UTRN: variants seen among roughly 807,000 people sequenced by gnomAD.
The protein encoded by UTRN is dystrophin-related protein 1.
UTRN carries 283 observed loss-of-function variants against 463.9 expected under a neutral mutation model. The ratio of observed to expected loss-of-function variants is 0.61; its 90% confidence interval spans 0.55 to 0.67. The LOEUF (loss-of-function observed/expected upper bound fraction) is 0.67, where lower values mean the gene tolerates loss of function less well. Ranked by LOEUF, UTRN falls within the 30% of genes least tolerant of loss-of-function variation. UTRN has a pLI of 0.00. For missense variants in UTRN, 3,922 were observed against 4,084.3 expected (o/e 0.96, Z 1.08); for synonymous variants, 1,442 against 1,431.5 (o/e 1.01, Z -0.17).
chr6:144,457,055 CTG>C (rs1327685111), intron 19 of UTRN, among the ~76,000 whole-genome samples: 6 of 152,116 alleles, frequency 3.9e-5, no homozygotes, highest in African/African-American at 1.4e-4. Context: ...TCTAAGAACT[CTG>C]TGTTTTATAG....
chr6:144,731,423 C>T (rs1788503610), intron 54 of UTRN, among the ~76,000 whole-genome samples: 1 of 152,198 alleles, frequency 6.6e-6, no homozygotes, highest in Non-Finnish European at 1.5e-5. Flanking sequence ...TCATCATTCA[C>T]TTCACATAGT....
intron 2 of UTRN, among the ~76,000 whole-genome samples, chr6:144,337,834 C>T (rs1225872857): frequency 1.3e-5 from 2 of 152,116 alleles, no homozygotes; most frequent in South Asian, 2.1e-4. Context: ...AGGCTGGTCT[C>T]GAACTCCTGA....
At chr6:144,415,527 A>G (rs1339268309) in intron 3 of UTRN, among the ~76,000 whole-genome samples, 1 of 152,176 alleles carries the variant, frequency 6.6e-6, no homozygotes, top group Non-Finnish European at 1.5e-5. Flanking sequence ...TTCTATTACT[A>G]CTACTATTGC....
rs1432506422 is a variant in UTRN at position 144,459,240 on chromosome 6, C to G, written c.2593C>G (p.Leu865Val). Residue 865 changes from leucine (L) to valine (V), a missense_variant, in exon 21 of 75, where the codon CTG becomes GTG. By Grantham distance (32) the Leu-to-Val change is conservative. Transcript: ENST00000367545. Reference sequence around the variant, plus strand: ...AATGGCTCGTGCAAGCTGCTCGGCCCTGATGTCTCAGCCTTCTGCCCCAGA... The same window carrying G: ...AATGGCTCGTGCAAGCTGCTCGGCCGTGATGTCTCAGCCTTCTGCCCCAGA... Reference protein sequence around the residue: ...IEMARASCSALMSQPSAPDFV... With the variant: ...IEMARASCSAVMSQPSAPDFV... The G allele has an allele frequency of 3.7e-6, 6 of 1,614,136 alleles. No individual in the cohort carries two copies. The highest frequency in any genetic ancestry group is 2.5e-6 in the Non-Finnish European group (3 of 1,179,984).
chr6:144,375,615 A>G (rs530667317), intron 2 of UTRN, among the ~76,000 whole-genome samples: 1 of 152,236 alleles, frequency 6.6e-6, no homozygotes, highest in Non-Finnish European at 1.5e-5. Context: ...ATTGCTATAT[A>G]TCTGTACCCT....
chr6:144,844,603 A>G (rs1459313497), intron 73 of UTRN, among the ~76,000 whole-genome samples: 1 of 151,780 alleles, frequency 6.6e-6, no homozygotes, highest in Non-Finnish European at 1.5e-5. Context: ...GAATGATTAC[A>G]TTTTCTAGCT....
intron 50 of UTRN, among the ~76,000 whole-genome samples, chr6:144,576,702 A>G (rs879265523): frequency 6.6e-6 from 1 of 152,214 alleles, no homozygotes; most frequent in Non-Finnish European, 1.5e-5. Context: ...AAATATTCGT[A>G]TAGTCGCTGA....
At chr6:144,423,261 C>T (rs1785001645) in intron 4 of UTRN, among the ~76,000 whole-genome samples, 1 of 152,184 alleles carries the variant, frequency 6.6e-6, no homozygotes, top group South Asian at 2.1e-4. Flanking sequence ...AAGCCACACT[C>T]TTTGGGGGTG....
At chr6:144,336,598 T>A (rs1043373838) in intron 2 of UTRN, among the ~76,000 whole-genome samples, 4 of 152,158 alleles carry the variant, frequency 2.6e-5, no homozygotes, top group African/African-American at 9.7e-5. Context: ...TTCCTTACTA[T>A]GACAGCAAGT....
chr6:144,835,335 T>G (rs1781012195), intron 69 of UTRN, among the ~76,000 whole-genome samples: 2 of 152,348 alleles, frequency 1.3e-5, no homozygotes, highest in South Asian at 4.1e-4. Flanking sequence ...ACATAAGGAT[T>G]ATAAACCTTG....
intron 52 of UTRN, among the ~76,000 whole-genome samples, chr6:144,694,571 C>T (rs1783784158): frequency 6.6e-6 from 1 of 151,938 alleles, no homozygotes; most frequent in Non-Finnish European, 1.5e-5. Context: ...TTTCAGAGCT[C>T]ATTATTGGGC....
chr6:144,413,209 G>A (rs77961239), intron 3 of UTRN, among the ~76,000 whole-genome samples: 2,610 of 152,232 alleles, frequency 0.017, 80 homozygotes, highest in African/African-American at 0.059. Context: ...ATATATGATC[G>A]TGGTCCCAGA....
chr6:144,453,018 A>C (rs1448315225), intron 18 of UTRN, among the ~76,000 whole-genome samples: 1 of 152,146 alleles, frequency 6.6e-6, no homozygotes, highest in Non-Finnish European at 1.5e-5. Flanking sequence ...CATTATTTAA[A>C]AATTATGTAT....
At chr6:144,452,642 A>G (rs1007510079) in intron 18 of UTRN, among the ~76,000 whole-genome samples, 1 of 152,138 alleles carries the variant, frequency 6.6e-6, no homozygotes, top group African/African-American at 2.4e-5. Context: ...GCCATTCCTC[A>G]ACATAAAGAA....
chr6:144,564,798 TG>T (rs1217039034), intron 50 of UTRN, among the ~76,000 whole-genome samples: 1 of 152,028 alleles, frequency 6.6e-6, no homozygotes, highest in African/African-American at 2.4e-5. Flanking sequence ...CCTTGACACA[TG>T]GGGATATAGG....
At chr6:144,322,016 G>C (rs531162863) in intron 2 of UTRN, among the ~76,000 whole-genome samples, 1 of 152,112 alleles carries the variant, frequency 6.6e-6, no homozygotes, top group South Asian at 2.1e-4. Flanking sequence ...CACCCGCCTC[G>C]GCCTCCCACA....
chr6:144,488,556 G>A, intron 29 of UTRN, 117 bp from the exon 30 acceptor site: 1 of 911,416 alleles, frequency 1.1e-6, no homozygotes, highest in East Asian at 2.8e-5. Context: ...TATTTATAAA[G>A]AAAGCTAAAG....
At chr6:144,304,349 G>A (rs1455672913) in intron 2 of UTRN, among the ~76,000 whole-genome samples, 2 of 152,132 alleles carry the variant, frequency 1.3e-5, no homozygotes, top group African/African-American at 4.8e-5. Context: ...GTACTTTGTT[G>A]CCTTGCCTCT....
intron 2 of UTRN, among the ~76,000 whole-genome samples, chr6:144,300,359 G>A (rs1254909988): frequency 1.3e-5 from 2 of 152,174 alleles, no homozygotes; most frequent in Non-Finnish European, 2.9e-5. Flanking sequence ...CAAAGTGCTG[G>A]AAATACAGGC....
Sources: gnomAD v4.1 joint callset for allele counts (sites outside exome capture counted in the v4.1 genomes callset) on GRCh38, gnomAD v4.1.1 for gene constraint, MANE v1.5 for transcripts, NCBI Gene and HGNC (gene_info 2026-07-23, HGNC 2026-07-21) for gene names.